SLC17A1: variants seen among roughly 807,000 people sequenced by gnomAD.
The protein encoded by SLC17A1 is sodium-dependent phosphate transport protein 1.
SLC17A1 carries 51 observed loss-of-function variants against 53.5 expected under a neutral mutation model. That is an observed-to-expected ratio of 0.95 (90% CI 0.76 to 1.20). SLC17A1 has a LOEUF of 1.20. Ranked by LOEUF, SLC17A1 falls within the 50% of genes most tolerant of loss-of-function variation. The pLI, the probability that SLC17A1 is intolerant of heterozygous loss-of-function variation, is 0.00. For synonymous variants in SLC17A1, 179 were observed against 198.8 expected, an observed-to-expected ratio of 0.90 and a Z score of 0.84; for missense variants, 538 against 568.2, an observed-to-expected ratio of 0.95 and a Z score of 0.54.
the SLC17A1 span, among the ~76,000 whole-genome samples, chr6:25,748,167 C>T: frequency 2.0e-5 from 3 of 152,108 alleles, no homozygotes; most frequent in Admixed American, 2.0e-4. Flanking sequence ...CAGTCAGGAA[C>T]ACAAAAGGTC....
At chr6:25,770,455 C>A in the SLC17A1 span, 1 of 1,614,022 alleles carries the variant, frequency 6.2e-7, no homozygotes, top group Non-Finnish European at 8.5e-7. Flanking sequence ...GTCAACTCAC[C>A]ACCATTGCTG....
At chr6:25,770,115 T>C in the SLC17A1 span, 6 of 1,613,962 alleles carry the variant, frequency 3.7e-6, no homozygotes, top group African/African-American at 6.7e-5. Context: ...CATCCTCAGC[T>C]CCCTCAACTA....
chr6:25,812,128 C>A (rs1350688346), intron 8 of SLC17A1, among the ~76,000 whole-genome samples: 1 of 152,104 alleles, frequency 6.6e-6, no homozygotes, highest in Non-Finnish European at 1.5e-5. Context: ...TTACACTGGA[C>A]CAGCTGCTAC....
chr6:25,725,841 CCACTG>C, the SLC17A1 span, among the ~76,000 whole-genome samples: 3 of 152,124 alleles, frequency 2.0e-5, no homozygotes, highest in East Asian at 5.8e-4. Flanking sequence ...GCTCCAACCT[CCACTG>C]AAGTGCAAGT....
chr6:25,825,054 G>A (rs1367664115), intron 3 of SLC17A1, among the ~76,000 whole-genome samples: 1 of 151,776 alleles, frequency 6.6e-6, no homozygotes, highest in South Asian at 2.1e-4. Flanking sequence ...TGTTTTCATG[G>A]TTGCATAGTT....
At chr6:25,754,931 T>C in the SLC17A1 span, 29 of 152,076 alleles carry the variant, frequency 1.9e-4, no homozygotes, top group African/African-American at 7.0e-4. Flanking sequence ...GAGATAATTC[T>C]GGTAAGTGAG....
At chr6:25,784,273 G>A (rs913983402) in intron 12 of SLC17A1, among the ~76,000 whole-genome samples, 1 of 152,082 alleles carries the variant, frequency 6.6e-6, no homozygotes, top group African/African-American at 2.4e-5. Flanking sequence ...CTTATCCTAG[G>A]GAGACAATAT....
intron 2 of SLC17A1, among the ~76,000 whole-genome samples, chr6:25,829,620 C>T (rs1012809788): frequency 3.3e-5 from 5 of 152,048 alleles, no homozygotes; most frequent in African/African-American, 9.7e-5. Flanking sequence ...CACATTGCTC[C>T]AGGAAGTCCA....
At chr6:25,726,951 G>A in the SLC17A1 span, 73 of 1,613,848 alleles carry the variant, frequency 4.5e-5, no homozygotes, top group Admixed American at 5.0e-5. Flanking sequence ...TTCCAAGAAG[G>A]GCTTTAAGAA....
chr6:25,819,026 A>C, intron 6 of SLC17A1, 42 bp downstream of exon 6: 3 of 1,358,182 alleles, frequency 2.2e-6, no homozygotes, highest in Non-Finnish European at 3.0e-6. Context: ...AAATTTTTTT[A>C]GATTCTGAAT....
intron 2 of SLC17A1, among the ~76,000 whole-genome samples, chr6:25,827,008 T>C (rs141753698): frequency 0.011 from 1,647 of 152,238 alleles, 12 homozygotes; most frequent in Non-Finnish European, 0.015. Flanking sequence ...ATTTAAAAAA[T>C]ACTCTGGTTG....
At chr6:25,823,190 T>C (rs1764623768) in intron 3 of SLC17A1, among the ~76,000 whole-genome samples, 1 of 152,174 alleles carries the variant, frequency 6.6e-6, no homozygotes, top group Non-Finnish European at 1.5e-5. Flanking sequence ...CATAGTTTGT[T>C]CAATCATTCA....
At chr6:25,803,154 G>A (rs1036231388) in intron 10 of SLC17A1, among the ~76,000 whole-genome samples, 1 of 151,668 alleles carries the variant, frequency 6.6e-6, no homozygotes, top group African/African-American at 2.4e-5. Flanking sequence ...CACTGTATTA[G>A]CCAGGATGGT....
Position 25,812,930 on chromosome 6 carries a change from A to G in SLC17A1, c.798T>C (p.Ala266=), listed in dbSNP as rs188998641. The change falls in exon 8 of 13, where the codon GCT becomes GCC. Residue 266 remains alanine, a synonymous_variant. Transcript: ENST00000244527. ...AAAACGTAAAACTACCAGTGGAAAT[A>G]GCCCAGACTGGAAGCGACTTAAGTA... is the stretch of plus-strand genomic sequence containing the variant. ...KAILKSLPVW[A]ISTGSFTFFW... 794 of 1,614,022 alleles carry G rather than the reference A, an allele frequency of 4.9e-4. 1 individual carries two copies. Among genetic ancestry groups the G allele is most frequent in the Admixed American group, 1.8e-3 (111 of 60,028 alleles).
chr6:25,739,929 A>T, the SLC17A1 span, among the ~76,000 whole-genome samples: 1 of 152,212 alleles, frequency 6.6e-6, no homozygotes, highest in Non-Finnish European at 1.5e-5. Flanking sequence ...CTATTCACAC[A>T]TTGTACCAAT....
At chr6:25,761,430 A>T in the SLC17A1 span, among the ~76,000 whole-genome samples, 2 of 152,148 alleles carry the variant, frequency 1.3e-5, no homozygotes, top group African/African-American at 2.4e-5. Flanking sequence ...ACCCAATCTC[A>T]TGGTCACTGA....
the SLC17A1 span, among the ~76,000 whole-genome samples, chr6:25,731,159 G>A: frequency 6.6e-6 from 1 of 152,194 alleles, no homozygotes; most frequent in African/African-American, 2.4e-5. Flanking sequence ...AGTTCACAGA[G>A]ACGCAGAAAC....
intron 2 of SLC17A1, among the ~76,000 whole-genome samples, chr6:25,829,558 T>C (rs1764872784): frequency 6.6e-6 from 1 of 152,156 alleles, no homozygotes. Flanking sequence ...GAAGGGCTCA[T>C]TGTCTTAGTC....
the SLC17A1 span, among the ~76,000 whole-genome samples, chr6:25,776,141 A>C: frequency 2.4e-5 from 3 of 125,804 alleles, no homozygotes; most frequent in African/African-American, 7.4e-5. Flanking sequence ...GTTAGCACAG[A>C]GCATGCCAAA....
Sources: gnomAD v4.1 joint callset for allele counts (sites outside exome capture counted in the v4.1 genomes callset) on GRCh38, gnomAD v4.1.1 for gene constraint, MANE v1.5 for transcripts, NCBI Gene and HGNC (gene_info 2026-07-23, HGNC 2026-07-21) for gene names.